The following SLC16A2 variants were observed in gnomAD, a reference collection of about 807,000 sequenced individuals.
The protein encoded by SLC16A2 is solute carrier family 16 member 2.
In SLC16A2, 3 loss-of-function variants were observed where a neutral mutation model predicts 27.2. The observed-to-expected ratio is 0.11, with a 90% CI of 0.05 to 0.28. SLC16A2 has a LOEUF of 0.28. SLC16A2 is among the 10% of genes least tolerant of loss of function. The pLI, the probability that SLC16A2 is intolerant of heterozygous loss-of-function variation, is 1.00. For missense variants in SLC16A2, 295 were observed against 458.5 expected, an observed-to-expected ratio of 0.64 and a Z score of 3.26; for synonymous variants, 202 against 187.8, an observed-to-expected ratio of 1.08 and a Z score of -0.62.
intron 1 of SLC16A2, among the ~76,000 whole-genome samples, chrX:74,491,861 T>C (rs985334933): frequency 1.8e-5 from 2 of 112,459 alleles, no homozygotes; most frequent in African/African-American, 6.5e-5. Flanking sequence ...CAGTTTTTCC[T>C]TTTGGGTCCA....
At chrX:74,427,799 GTGCA>G (rs1928431505) in intron 1 of SLC16A2, among the ~76,000 whole-genome samples, 6 of 81,481 alleles carry the variant, frequency 7.4e-5, no homozygotes, top group Admixed American at 1.2e-4. Context: ...ATGCGCACGC[GTGCA>G]CGCGCGCGCA....
intron 1 of SLC16A2, among the ~76,000 whole-genome samples, chrX:74,480,673 T>C (rs1929598453): frequency 8.9e-6 from 1 of 112,955 alleles, no homozygotes; most frequent in Non-Finnish European, 1.9e-5. Flanking sequence ...TCATGTCATC[T>C]ACAAATAGAG....
In SLC16A2 at chrX:74,421,626, C is replaced by T. The variant is rs753339521; in HGVS notation, c.-12C>T. On this transcript the variant is annotated 5_prime_UTR_variant, in exon 1 of 6. Transcript: ENST00000587091. ...CTCCTCTGGCCCAAGCAGCCACAGTCCCCCCGCCGCGATGGCGCTGCAAAG... is the reference window on the plus strand; with the variant it reads ...CTCCTCTGGCCCAAGCAGCCACAGTTCCCCCGCCGCGATGGCGCTGCAAAG... 1.7e-6 allele frequency: 2 copies of T among 1,202,516 alleles called. No individual in the cohort carries two copies. The highest frequency in any genetic ancestry group is 3.0e-5 in the East Asian group (1 of 33,596).
intron 2 of SLC16A2, among the ~76,000 whole-genome samples, chrX:74,522,867 A>G (rs1222485836): frequency 8.9e-6 from 1 of 111,832 alleles, no homozygotes; most frequent in Non-Finnish European, 1.9e-5. Flanking sequence ...TCTCATGGCT[A>G]GAGCTCCAAA....
In SLC16A2 at chrX:74,526,844, T is replaced by C. The variant is rs775309596; in HGVS notation, c.1170+951T>C. Among the ~76,000 whole-genome samples, 10 of 112,972 alleles carry C rather than the reference T, an allele frequency of 8.9e-5. No homozygotes were observed. In the South Asian group the frequency reaches 3.3e-3, roughly 37 times the overall value. On this transcript the variant is annotated intron_variant, in intron 4 of 5. Transcript: ENST00000587091. ...GAGATTTTGAATTCCTGTGCAAATA[T>C]CAGCAAGTGCTTTATCTGGGTGGCT...
At chrX:74,502,111 T>A (rs1255021532) in intron 1 of SLC16A2, among the ~76,000 whole-genome samples, 1 of 112,049 alleles carries the variant, frequency 8.9e-6, no homozygotes, top group Non-Finnish European at 1.9e-5. Context: ...TACTTTAGGC[T>A]CTGGTACTAA....
chrX:74,531,272 GA>G (rs1204281461), intron 5 of SLC16A2, 60 bp from the exon 6 acceptor site: 1 of 1,013,255 alleles, frequency 9.9e-7, no homozygotes, highest in Non-Finnish European at 1.4e-6. Flanking sequence ...AGAACGGGCT[GA>G]GAGTACCTTT....
intron 1 of SLC16A2, among the ~76,000 whole-genome samples, chrX:74,426,749 T>C (rs1449984865): frequency 8.9e-6 from 1 of 112,686 alleles, no homozygotes; most frequent in African/African-American, 3.2e-5. Context: ...TTACTATTCA[T>C]ATGTCATACA....
chrX:74,477,379 T>G (rs753268494), intron 1 of SLC16A2, among the ~76,000 whole-genome samples: 2 of 111,768 alleles, frequency 1.8e-5, no homozygotes, highest in South Asian at 7.5e-4. Flanking sequence ...CTTTTCTTCT[T>G]TATTAGTCTA....
chrX:74,499,926 G>A (rs1037677879), intron 1 of SLC16A2, among the ~76,000 whole-genome samples: 20 of 111,288 alleles, frequency 1.8e-4, no homozygotes, highest in Non-Finnish European at 3.4e-4. Flanking sequence ...TCAAAGAAGG[G>A]AAGGACAGAT....
intron 1 of SLC16A2, among the ~76,000 whole-genome samples, chrX:74,437,372 G>C (rs976668890): frequency 2.7e-5 from 3 of 112,219 alleles, no homozygotes; most frequent in South Asian, 3.7e-4. Flanking sequence ...TCCACATGAC[G>C]AGGAGATCAA....
At chrX:74,458,503 C>T (rs1602114835) in intron 1 of SLC16A2, among the ~76,000 whole-genome samples, 1 of 110,963 alleles carries the variant, frequency 9.0e-6, no homozygotes, top group African/African-American at 3.3e-5. Context: ...CATGCACCAC[C>T]ACACCTGGCT....
At chrX:74,462,220 G>T (rs1289803499) in intron 1 of SLC16A2, among the ~76,000 whole-genome samples, 1 of 112,257 alleles carries the variant, frequency 8.9e-6, no homozygotes, top group Non-Finnish European at 1.9e-5. Context: ...AGCGCCTTTG[G>T]GGCTTGAGGT....
chrX:74,526,359 G>GT (rs2083033505), intron 4 of SLC16A2, among the ~76,000 whole-genome samples: 1 of 111,468 alleles, frequency 9.0e-6, no homozygotes, highest in African/African-American at 3.3e-5. Flanking sequence ...CCAAAATCAA[G>GT]TAGTCACAAG....
chrX:74,485,399 A>C (rs1602127004), intron 1 of SLC16A2, among the ~76,000 whole-genome samples: 1 of 109,887 alleles, frequency 9.1e-6, no homozygotes, highest in Non-Finnish European at 1.9e-5. Flanking sequence ...ATATATAGAT[A>C]TCTTTATATA....
rs755213225 is a variant in SLC16A2 at position 74,525,936 on chromosome X, C to A, written c.1170+43C>A. ...TCCACTGTGGGGAGAAACAGCCTGC[C>A]ACAAATGCAAGGTTATCCACAGCCT... On this transcript the variant is annotated intron_variant, in intron 4 of 5. Transcript: ENST00000587091. 1.3e-4 allele frequency: 159 copies of A among 1,188,998 alleles called. 2 individuals are homozygous for A. The South Asian group carries it at 2.6e-3, about 19-fold the overall frequency.
intron 1 of SLC16A2, among the ~76,000 whole-genome samples, chrX:74,436,283 T>C (rs1350886281): frequency 2.7e-5 from 3 of 111,957 alleles, no homozygotes; most frequent in African/African-American, 9.7e-5. Context: ...GATTGTAATA[T>C]GCTGAGTCAA....
intron 1 of SLC16A2, among the ~76,000 whole-genome samples, chrX:74,470,154 T>C: frequency 8.9e-6 from 1 of 112,141 alleles, no homozygotes; most frequent in Non-Finnish European, 1.9e-5. Context: ...TGATAGCCAA[T>C]TTCTTTTGAG....
At chrX:74,474,877 C>T (rs1185648194) in intron 1 of SLC16A2, among the ~76,000 whole-genome samples, 22 of 110,658 alleles carry the variant, frequency 2.0e-4, no homozygotes, top group African/African-American at 6.6e-4. Context: ...TCCAGTCTAT[C>T]ATTGTTGGAC....
Sources: gnomAD v4.1 joint callset for allele counts (sites outside exome capture counted in the v4.1 genomes callset) on GRCh38, gnomAD v4.1.1 for gene constraint, MANE v1.5 for transcripts, NCBI Gene and HGNC (gene_info 2026-07-23, HGNC 2026-07-21) for gene names.